Variants in FAM53A observed in about 807,000 individuals in gnomAD.
FAM53A encodes the protein protein FAM53A.
FAM53A carries 28 observed loss-of-function variants against 26.6 expected under a neutral mutation model. That is an observed-to-expected ratio of 1.05 (90% CI 0.78 to 1.45). The LOEUF is 1.45. Ranked by LOEUF, FAM53A falls within the 40% of genes most tolerant of loss-of-function variation. The pLI is 0.00. For synonymous variants in FAM53A, 290 were observed against 253.1 expected (o/e 1.15, Z -1.38); for missense variants, 650 against 575.8 (o/e 1.13, Z -1.32).
At chr4:1,596,545 G>A in the FAM53A span, among the ~76,000 whole-genome samples, 128,130 of 151,612 alleles carry the variant, frequency 0.85, 54,324 homozygotes, top group African/African-American at 0.89. Context: ...CACCCGAACC[G>A]GACACCACTC....
intron 1 of FAM53A, among the ~76,000 whole-genome samples, chr4:1,675,979 C>A (rs998605021): frequency 5.9e-5 from 9 of 152,242 alleles, no homozygotes; most frequent in Non-Finnish European, 5.9e-5. Flanking sequence ...CCTCGGCTGG[C>A]GGCTCTGGCC....
chr4:1,665,244 G>C (rs554023917), intron 2 of FAM53A, among the ~76,000 whole-genome samples: 3 of 152,116 alleles, frequency 2.0e-5, no homozygotes, highest in African/African-American at 7.2e-5. Flanking sequence ...CTTGAATGCG[G>C]GAGGCAGAGG....
intron 4 of FAM53A, among the ~76,000 whole-genome samples, chr4:1,651,524 TTC>T (rs1712779123): frequency 9.0e-6 from 1 of 110,536 alleles, no homozygotes; most frequent in East Asian, 2.2e-4. Context: ...AAGAGCGAAA[TTC>T]TGTCTTAAAA....
chr4:1,629,430 T>C (rs976577059), intron 1 of FAM53A, among the ~76,000 whole-genome samples: 2 of 152,132 alleles, frequency 1.3e-5, no homozygotes, highest in African/African-American at 4.8e-5. Flanking sequence ...GTGGCCCGAG[T>C]CAGTCCTGGG....
intron 1 of FAM53A, among the ~76,000 whole-genome samples, chr4:1,629,073 T>A (rs1715492433): frequency 6.6e-6 from 1 of 151,908 alleles, no homozygotes; most frequent in African/African-American, 2.4e-5. Context: ...ATGTGCGCCA[T>A]GCCTGCGTTG....
Position 1,655,400 on chromosome 4 carries a change from C to T in FAM53A, c.460G>A (p.Asp154Asn), listed in dbSNP as rs570727471. 67 of 1,470,062 alleles carry T rather than the reference C, an allele frequency of 4.6e-5. No individual in the cohort carries two copies. The South Asian group carries it at 8.3e-4, about 18-fold the overall frequency. 91.1% of individuals were successfully genotyped at this position (1,470,062 alleles called of 1,614,324 possible). A position where few individuals can be genotyped will look rare whatever the true frequency, so the allele number is the denominator to read the frequency against. ...VWTPVSKRRC[D>N]SGGSATRQGS... ...TGCCGCGTGGCACTCCCGCCGCTGT[C>T]GCACCGCCTCTTGGAGACTGGAGTC... is the stretch of plus-strand genomic sequence containing the variant. The change falls in exon 4 of 5, where the codon GAC (aspartate) becomes AAC (asparagine). Residue 154 changes from aspartate to asparagine, a missense_variant. By Grantham distance (23) the Asp-to-Asn change is conservative. Coordinates refer to ENST00000308132, the MANE Select transcript of FAM53A (RefSeq NM_001174070.3).
At chr4:1,668,152 T>TG (rs954076288) in intron 2 of FAM53A, among the ~76,000 whole-genome samples, 1 of 151,432 alleles carries the variant, frequency 6.6e-6, no homozygotes, top group African/African-American at 2.4e-5. Flanking sequence ...AAGGCTCTTT[T>TG]TTTTTTTGAG....
At chr4:1,637,260 G>T (rs1210502938), downstream of FAM53A, among the ~76,000 whole-genome samples, 1 of 152,164 alleles carries the variant, frequency 6.6e-6, no homozygotes, top group Non-Finnish European at 1.5e-5. Flanking sequence ...CAAGCACGGG[G>T]CCTGTGACTG....
intron 1 of FAM53A, among the ~76,000 whole-genome samples, chr4:1,674,295 G>A (rs979364586): frequency 2.6e-5 from 4 of 152,112 alleles, no homozygotes; most frequent in East Asian, 1.9e-4. Flanking sequence ...TCTCTGTATC[G>A]CTATCTCTTC....
Position 1,641,331 on chromosome 4 carries a change from G to A in FAM53A, c.1159C>T (p.Arg387Cys), listed in dbSNP as rs565614356. Residue 387 changes from arginine (R) to cysteine (C), a missense_variant, in exon 5 of 5, where the codon CGC becomes TGC. Physicochemically the swap from Arg to Cys is radical, Grantham distance 180 (BLOSUM62 -3). Transcript: ENST00000308132. Reference protein sequence around the residue: ...VGEEGVFPRARWELDLEQIEN... With the variant: ...VGEEGVFPRACWELDLEQIEN... ...ATCTGCTCCAGGTCCAGCTCCCAGC[G>A]GGCCCGGGGGAAGACGCCCTCCTCC... is the stretch of plus-strand genomic sequence containing the variant. 6.8e-5 allele frequency: 110 copies of A among 1,611,786 alleles called. No individual in the cohort carries two copies. Among genetic ancestry groups the A allele is most frequent in the African/African-American group, 2.3e-4 (17 of 74,960 alleles).
At chr4:1,591,301 T>C in the FAM53A span, among the ~76,000 whole-genome samples, 2 of 152,252 alleles carry the variant, frequency 1.3e-5, no homozygotes, top group Middle Eastern at 3.4e-3. Context: ...TTTACATTTA[T>C]TGTACTCACT....
In FAM53A at chr4:1,668,702, G is replaced by A. The variant is rs762907553; in HGVS notation, c.40C>T (p.Leu14=). Residue 14 remains leucine, a synonymous_variant, in exon 2 of 5, where the codon CTG becomes TTG. Transcript: ENST00000308132. ...TCCGCCTTGCAGGTGAGGTCGTCCAGGCTCTGGCTCTGCAGCTTCTCAGTG... is the reference window on the plus strand; with the variant it reads ...TCCGCCTTGCAGGTGAGGTCGTCCAAGCTCTGGCTCTGCAGCTTCTCAGTG... ...LITEKLQSQS[L]DDLTCKAEAG... is the part of the protein sequence containing the mutation. 1.2e-6 allele frequency: 2 copies of A among 1,614,182 alleles called. No individual in the cohort carries two copies. Among genetic ancestry groups the A allele is most frequent in the Non-Finnish European group, 1.7e-6 (2 of 1,180,036 alleles).
the FAM53A span, among the ~76,000 whole-genome samples, chr4:1,577,969 G>A: frequency 6.6e-6 from 1 of 152,024 alleles, no homozygotes; most frequent in Non-Finnish European, 1.5e-5. Context: ...GCTGCCCGGG[G>A]ATGCTCTGGG....
the FAM53A span, among the ~76,000 whole-genome samples, chr4:1,608,167 C>T: frequency 6.6e-6 from 1 of 150,380 alleles, no homozygotes; most frequent in African/African-American, 2.5e-5. Context: ...GAGAACAAAA[C>T]CCCAGCTCAG....
chr4:1,606,764 C>A, the FAM53A span, among the ~76,000 whole-genome samples: 2 of 152,326 alleles, frequency 1.3e-5, no homozygotes, highest in East Asian at 3.9e-4. Flanking sequence ...GCGAGGGACT[C>A]GGGCAGCCAC....
At chr4:1,629,979 C>G (rs1237653128) in intron 1 of FAM53A, among the ~76,000 whole-genome samples, 1 of 152,194 alleles carries the variant, frequency 6.6e-6, no homozygotes, top group Admixed American at 6.5e-5. Flanking sequence ...GGAGCTTCCC[C>G]TCTCCCAGAC....
chr4:1,600,423 T>C, the FAM53A span, among the ~76,000 whole-genome samples: 13 of 152,166 alleles, frequency 8.5e-5, 1 homozygote, highest in South Asian at 2.7e-3. Context: ...ACTCTCCCTC[T>C]AACCCTCAGC....
At chr4:1,666,212 GCACC>G (rs1714217963) in intron 2 of FAM53A, among the ~76,000 whole-genome samples, 2 of 133,664 alleles carry the variant, frequency 1.5e-5, no homozygotes, top group South Asian at 5.2e-4. Flanking sequence ...AATAAAACCT[GCACC>G]TGCACCCCCT....
rs180694693 is a variant in FAM53A, at chr4:1,642,676, G to A, written c.883-1069C>T. On this transcript the variant is annotated intron_variant, in intron 4 of 4. Coordinates refer to ENST00000308132, the MANE Select transcript of FAM53A (RefSeq NM_001174070.3). ...CAGCACTCCCGGGCCCCCACCCCCC[G>A]CCACCTCCCAGTCCTTGCCTCAAGT... Among the ~76,000 whole-genome samples, 19 of 71,096 alleles carry A rather than the reference G, an allele frequency of 2.7e-4. No individual in the cohort carries two copies. In the East Asian group the frequency reaches 6.9e-3, roughly 26 times the overall value. The allele number at this position is 71,096 out of a possible 152,430, so 46.6% of individuals were successfully genotyped here. A position where few individuals can be genotyped will look rare whatever the true frequency, so the allele number is the denominator to read the frequency against.
Sources: allele counts gnomAD v4.1 joint callset (sites outside exome capture counted in the v4.1 genomes callset), GRCh38; gene constraint gnomAD v4.1.1; transcripts MANE v1.5; gene names NCBI Gene and HGNC (gene_info 2026-07-23, HGNC 2026-07-21).